EPHA4: variants seen among roughly 807,000 people sequenced by gnomAD.
EPHA4 encodes the protein ephrin type-A receptor 4.
EPHA4 carries 19 observed loss-of-function variants against 108.3 expected under a neutral mutation model. That is an observed-to-expected ratio of 0.18 (90% CI 0.12 to 0.26). The LOEUF (loss-of-function observed/expected upper bound fraction) is 0.26. Among genes scored for constraint, EPHA4 ranks in the 10% least tolerant of loss-of-function variants. EPHA4 has a pLI of 1.00. For synonymous variants in EPHA4, 449 were observed against 455.5 expected, an observed-to-expected ratio of 0.99 and a Z score of 0.18; for missense variants, 917 against 1,254.0, an observed-to-expected ratio of 0.73 and a Z score of 4.06.
At chr2:221,539,289 C>G (rs1693761446) in intron 3 of EPHA4, among the ~76,000 whole-genome samples, 1 of 152,140 alleles carries the variant, frequency 6.6e-6, no homozygotes, top group South Asian at 2.1e-4. Flanking sequence ...AAACCAAGTA[C>G]AGAGAAAAAT....
intron 10 of EPHA4, 84 bp downstream of exon 10, chr2:221,443,409 C>A: frequency 9.7e-7 from 1 of 1,031,298 alleles, no homozygotes; most frequent in Non-Finnish European, 1.5e-6. Context: ...AATATACTCA[C>A]AAAAGCATTT....
chr2:221,567,784 T>A (rs1427638001), intron 2 of EPHA4, among the ~76,000 whole-genome samples: 1 of 152,242 alleles, frequency 6.6e-6, no homozygotes, highest in Non-Finnish European at 1.5e-5. Context: ...GGTTCTAGCA[T>A]TACAATTTTT....
At chr2:221,480,884 T>C (rs897997136) in intron 5 of EPHA4, among the ~76,000 whole-genome samples, 2 of 152,222 alleles carry the variant, frequency 1.3e-5, no homozygotes, top group African/African-American at 2.4e-5. Flanking sequence ...TTTTCACTTA[T>C]AGGATCAATT....
chr2:221,454,160 G>A (rs1272491841), intron 8 of EPHA4, among the ~76,000 whole-genome samples: 1 of 151,934 alleles, frequency 6.6e-6, no homozygotes, highest in Non-Finnish European at 1.5e-5. Flanking sequence ...CAGCCTGGGC[G>A]ACAGAGCAAG....
At chr2:221,556,900 CAT>C (rs2106203232) in intron 3 of EPHA4, among the ~76,000 whole-genome samples, 1 of 152,180 alleles carries the variant, frequency 6.6e-6, no homozygotes, top group South Asian at 2.1e-4. Context: ...ATAGAAAAAA[CAT>C]AATGTATAAG....
intron 4 of EPHA4, among the ~76,000 whole-genome samples, chr2:221,499,740 ATATATATATATATATATTT>A (rs1335857610): frequency 1.3e-4 from 7 of 54,458 alleles, no homozygotes; most frequent in African/African-American, 6.1e-4. Flanking sequence ...ATATATATAT[ATATATATATATATATATTT>A]TTTTTTTTTT....
Position 221,437,063 on chromosome 2 carries a change from T to A in EPHA4, c.2134A>T (p.Arg712Trp), listed in dbSNP as rs1690263805. ...MENGSLDAFL[R>W]KNDGRFTVIQ... The stretch of plus-strand genomic sequence containing the variant: ...TTTAATATAAAGTAGTCACATACCC[T>A]GAGGAATGCATCCAAGGAGCCATTC... Residue 712 changes from arginine to tryptophan, a missense_variant and splice_region_variant, in exon 12 of 18, where the codon AGG becomes TGG. Arg to Trp is a moderately radical substitution (Grantham distance 101). Transcript: ENST00000281821. 6.2e-7 allele frequency: 1 copy of A among 1,608,186 alleles called. No homozygotes were observed. The highest frequency in any genetic ancestry group is 1.3e-5 in the African/African-American group (1 of 74,850).
chr2:221,441,828 C>T (rs1252562587), intron 11 of EPHA4, among the ~76,000 whole-genome samples: 1 of 152,094 alleles, frequency 6.6e-6, no homozygotes, highest in Non-Finnish European at 1.5e-5. Context: ...GGAAACTTAC[C>T]CATCTCAACT....
chr2:221,561,031 A>G (rs907992923), intron 3 of EPHA4, among the ~76,000 whole-genome samples: 3 of 152,178 alleles, frequency 2.0e-5, no homozygotes, highest in South Asian at 2.1e-4. Flanking sequence ...TCACGAGGTC[A>G]GGAGATGGAG....
intron 17 of EPHA4, among the ~76,000 whole-genome samples, chr2:221,424,085 G>A (rs981322914): frequency 1.3e-5 from 2 of 151,868 alleles, no homozygotes; most frequent in Admixed American, 1.3e-4. Flanking sequence ...CTGCACTCCA[G>A]CCTGGGCAAC....
rs1371989404 is a variant in EPHA4, at chr2:221,571,863, A to G, written c.91+295T>C. 6.6e-6 allele frequency among the ~76,000 whole-genome samples: 1 copy of G among 152,012 alleles called. No homozygotes were observed. The highest frequency in any genetic ancestry group is 1.5e-5 in the Non-Finnish European group (1 of 67,994). On this transcript the variant is annotated intron_variant, in intron 1 of 17. Transcript: ENST00000281821. This position sits in a 1 kb window ranked among gnomAD's most constrained non-coding sequence, Gnocchi z 6.3. The stretch of plus-strand genomic sequence containing the variant: ...TAAATCCCGGCGTTGTCTCCCGTGC[A>G]TCCCCTCAGGGCGCCTCGAGCGGGC...
At chr2:221,457,601 A>T (rs1690999954) in intron 6 of EPHA4, among the ~76,000 whole-genome samples, 1 of 152,228 alleles carries the variant, frequency 6.6e-6, no homozygotes, top group Non-Finnish European at 1.5e-5. Flanking sequence ...ACTTTTCAGG[A>T]TAACTAAGTA....
At chr2:221,429,657 C>G (rs532391940) in intron 15 of EPHA4, among the ~76,000 whole-genome samples, 8 of 152,172 alleles carry the variant, frequency 5.3e-5, no homozygotes, top group African/African-American at 1.4e-4. Context: ...GTACATTTCA[C>G]CCCTCTTCCT....
chr2:221,450,971 T>C (rs1176509123), intron 8 of EPHA4, among the ~76,000 whole-genome samples: 1 of 152,180 alleles, frequency 6.6e-6, no homozygotes, highest in African/African-American at 2.4e-5. Context: ...CCCAGCACTC[T>C]GGGAGGCCGA....
In EPHA4 at chr2:221,571,270, A is replaced by ACC; in HGVS notation, c.91+887_91+888insGG. Among the ~76,000 whole-genome samples, 1 of 151,254 alleles carries ACC rather than the reference A, an allele frequency of 6.6e-6. No individual in the cohort carries two copies. Among genetic ancestry groups the ACC allele is most frequent in the East Asian group, 2.0e-4 (1 of 5,090 alleles). ...ACACCACACATACACACACACACACACACAGTTCGCCTCTCCCTGGGTTTC... is the reference window on the plus strand; with the variant it reads ...ACACCACACATACACACACACACACACCCACAGTTCGCCTCTCCCTGGGTTTC... On this transcript the variant is annotated intron_variant, in intron 1 of 17. Transcript: ENST00000281821. The surrounding 1 kb of genome is among the most constrained non-coding windows in gnomAD (Gnocchi z 6.3).
chr2:221,469,645 A>G (rs1181296632), intron 5 of EPHA4, among the ~76,000 whole-genome samples: 3 of 152,142 alleles, frequency 2.0e-5, no homozygotes, highest in Non-Finnish European at 4.4e-5. Context: ...TTCCAAGTTG[A>G]AAGAGTTGGG....
chr2:221,499,215 A>C (rs1443930239), intron 4 of EPHA4, among the ~76,000 whole-genome samples: 1 of 147,704 alleles, frequency 6.8e-6, no homozygotes, highest in Non-Finnish European at 1.5e-5. Flanking sequence ...TAAAATAGAA[A>C]TAATATAAAA....
intron 7 of EPHA4, among the ~76,000 whole-genome samples, chr2:221,456,409 G>T (rs1184915987): frequency 6.6e-6 from 1 of 152,156 alleles, no homozygotes; most frequent in Non-Finnish European, 1.5e-5. Flanking sequence ...AGACAAATCA[G>T]TATTTCGAAA....
rs138824938 is a variant in EPHA4 at position 221,430,491 on chromosome 2, C to T, written c.2497-340G>A. Among the ~76,000 whole-genome samples the T allele has an allele frequency of 5.9e-3, 900 of 152,212 alleles. 11 individuals carry two copies. The highest frequency in any genetic ancestry group is 0.02 in the African/African-American group (840 of 41,524). On this transcript the variant is annotated intron_variant, in intron 14 of 17. Transcript: ENST00000281821. ...GCCCCCTGCCTCCAGTCCCCTGCCCCGCTCCATTCTGCTATTAGCACACCT... is the reference window on the plus strand; with the variant it reads ...GCCCCCTGCCTCCAGTCCCCTGCCCTGCTCCATTCTGCTATTAGCACACCT...
Sources: gnomAD v4.1 joint callset for allele counts (sites outside exome capture counted in the v4.1 genomes callset) on GRCh38, gnomAD v4.1.1 for gene constraint, Gnocchi (gnomAD v3.1) non-coding constraint, MANE v1.5 for transcripts, NCBI Gene and HGNC (gene_info 2026-07-23, HGNC 2026-07-21) for gene names.